MYZAP: variants seen among roughly 807,000 people sequenced by gnomAD.
The protein encoded by MYZAP is GRINL1A complex locus upstream.
MYZAP carries 66 observed loss-of-function variants against 69.4 expected under a neutral mutation model. The ratio of observed to expected loss-of-function variants is 0.95; its 90% CI spans 0.78 to 1.17. MYZAP has a LOEUF of 1.17. Among genes scored for constraint, MYZAP ranks in the 50% most tolerant of loss-of-function variants. MYZAP has a pLI of 0.00. For synonymous variants in MYZAP, 256 were observed against 205.9 expected (o/e 1.24, Z -2.09); for missense variants, 611 against 556.2 (o/e 1.10, Z -0.99).
intron 4 of MYZAP, 146 bp from the exon 5 acceptor site, chr15:57,625,633 C>A (rs1040213517): frequency 4.2e-6 from 3 of 719,682 alleles, no homozygotes; most frequent in South Asian, 1.7e-5. Flanking sequence ...CTGGATCATG[C>A]AGATGTTGAC....
chr15:57,592,339 G>T (rs1369925968), intron 1 of MYZAP, among the ~76,000 whole-genome samples: 3 of 152,218 alleles, frequency 2.0e-5, no homozygotes, highest in Non-Finnish European at 2.9e-5. Context: ...GGAATTCCCA[G>T]AGATTTCCTC....
intron 3 of MYZAP, among the ~76,000 whole-genome samples, chr15:57,618,775 AT>A (rs543778939): frequency 3.4e-3 from 522 of 152,244 alleles, no homozygotes; most frequent in Non-Finnish European, 5.8e-3. Flanking sequence ...ATTTTGGAGT[AT>A]TTTCTTCTTC....
intron 10 of MYZAP, among the ~76,000 whole-genome samples, chr15:57,656,098 G>T (rs1393731034): frequency 6.6e-6 from 1 of 152,196 alleles, no homozygotes; most frequent in Non-Finnish European, 1.5e-5. Flanking sequence ...GATCAAAGGT[G>T]CCTAATGGAT....
At chr15:57,661,398 C>A in intron 10 of MYZAP, 52 bp from the exon 11 acceptor site, 1 of 1,364,188 alleles carries the variant, frequency 7.3e-7, no homozygotes, top group Non-Finnish European at 1.0e-6. Context: ...TAAACCTGTA[C>A]TTACACAATT....
chr15:57,676,948 C>T (rs1274883944), intron 12 of MYZAP, among the ~76,000 whole-genome samples: 4 of 152,172 alleles, frequency 2.6e-5, no homozygotes, highest in African/African-American at 9.7e-5. Context: ...AGTTTAACTA[C>T]CTAGGTCAAT....
In MYZAP at chr15:57,614,127, C is replaced by T. The variant is rs916656420; in HGVS notation, c.163-3906C>T. Among the ~76,000 whole-genome samples, 12 of 152,210 alleles carry T rather than the reference C, an allele frequency of 7.9e-5. No homozygotes were observed. The East Asian group carries it at 9.6e-4, about 12-fold the overall frequency. On this transcript the variant is annotated intron_variant, in intron 2 of 12. Coordinates refer to ENST00000267853, the MANE Select transcript of MYZAP (RefSeq NM_001018100.5). ...CGGGGTAAACATTAACTGTCTGTTC[C>T]TCCATCTAAGAAGAATAACAGGTAT...
chr15:57,629,363 T>G (rs542143131), intron 5 of MYZAP, among the ~76,000 whole-genome samples: 144 of 152,092 alleles, frequency 9.5e-4, no homozygotes, highest in Non-Finnish European at 1.6e-3. Context: ...TCAAAAGCTG[T>G]TTTTTTTCCC....
chr15:57,618,125 A>C lies in MYZAP; in HGVS notation c.255A>C (p.Lys85Asn), dbSNP rs781138834. The change falls in exon 3 of 13, where the codon AAA (lysine) becomes AAC (asparagine). Residue 85 changes from lysine to asparagine, a missense_variant. By Grantham distance (94) the Lys-to-Asn change is moderately conservative. Coordinates refer to ENST00000267853, the MANE Select transcript of MYZAP (RefSeq NM_001018100.5). Reference sequence around the variant, plus strand: ...GAAGATCAGATCAAAATCAGCAGAAAGAAATGGTGGTGTATGGGTGGTCCA... The same window carrying C: ...GAAGATCAGATCAAAATCAGCAGAACGAAATGGTGGTGTATGGGTGGTCCA... The part of the protein sequence containing the change: ...VVRRSDQNQQ[K>N]EMVVYGWSTS... 2 of 1,614,242 alleles carry C rather than the reference A, an allele frequency of 1.2e-6. No homozygotes were observed. The highest frequency in any genetic ancestry group is 2.2e-5 in the East Asian group (1 of 44,888).
intron 2 of MYZAP, among the ~76,000 whole-genome samples, chr15:57,606,209 T>C (rs896056941): frequency 1.3e-5 from 2 of 152,192 alleles, no homozygotes; most frequent in Non-Finnish European, 2.9e-5. Flanking sequence ...AGCCAGCATT[T>C]CAACCAAGTG....
chr15:57,646,599 G>C (rs1251256482), intron 10 of MYZAP: 2 of 998,418 alleles, frequency 2.0e-6, no homozygotes, highest in African/African-American at 3.5e-5. Flanking sequence ...AAGAGAGCTT[G>C]AAGAATGTTA....
At chr15:57,674,590 T>C (rs1171269566) in intron 11 of MYZAP, among the ~76,000 whole-genome samples, 1 of 152,208 alleles carries the variant, frequency 6.6e-6, no homozygotes, top group Non-Finnish European at 1.5e-5. Flanking sequence ...ACTAGTTAAA[T>C]AAATAATGTA....
chr15:57,630,603 C>T (rs1477592090), intron 6 of MYZAP, among the ~76,000 whole-genome samples: 1 of 152,112 alleles, frequency 6.6e-6, no homozygotes, highest in African/African-American at 2.4e-5. Flanking sequence ...CATTTGGCCC[C>T]CTAGGCTGGG....
At chr15:57,609,447 C>T (rs183883948) in intron 2 of MYZAP, among the ~76,000 whole-genome samples, 6 of 152,270 alleles carry the variant, frequency 3.9e-5, no homozygotes, top group South Asian at 2.1e-4. Flanking sequence ...GTGGCAGCAT[C>T]GCTCTGATTT....
At chr15:57,631,816 T>C (rs1032436243) in intron 6 of MYZAP, among the ~76,000 whole-genome samples, 9 of 152,182 alleles carry the variant, frequency 5.9e-5, no homozygotes, top group African/African-American at 1.4e-4. Context: ...GGCGATAACC[T>C]GGAAGGAGGG....
chr15:57,610,980 G>C (rs1339846696), intron 2 of MYZAP, among the ~76,000 whole-genome samples: 1 of 151,514 alleles, frequency 6.6e-6, no homozygotes. Flanking sequence ...AAAAGACCAA[G>C]AAGAAGGTGG....
At chr15:57,647,072 G>T in intron 10 of MYZAP, 2 of 985,356 alleles carry the variant, frequency 2.0e-6, no homozygotes, top group Non-Finnish European at 2.4e-6. Flanking sequence ...CAGAGGCCCA[G>T]TGTCCCTCAG....
chr15:57,610,392 G>A (rs914589486), intron 2 of MYZAP, among the ~76,000 whole-genome samples: 1 of 152,166 alleles, frequency 6.6e-6, no homozygotes, highest in Non-Finnish European at 1.5e-5. Context: ...ACAACCTCGC[G>A]GGCTGTTGCC....
chr15:57,671,908 A>G (rs764633759), intron 11 of MYZAP, among the ~76,000 whole-genome samples: 4 of 151,980 alleles, frequency 2.6e-5, no homozygotes, highest in Non-Finnish European at 4.4e-5. Context: ...AGTGGGTACT[A>G]TTTTCCCGAC....
In MYZAP at chr15:57,669,512, CTCTCTT is replaced by C. The variant is rs540229963; in HGVS notation, c.1204-5443_1204-5438del. Reference sequence around the variant, plus strand: ...TATCTTATCCACTCTGTGTCTCTGTCTCTCTTTCTCTTTCTCTTCTTTAACCAGATA... The same window carrying C: ...TATCTTATCCACTCTGTGTCTCTGTCTCTCTTTCTCTTCTTTAACCAGATA... On this transcript the variant is annotated intron_variant, in intron 11 of 12. Coordinates refer to ENST00000267853, the MANE Select transcript of MYZAP (RefSeq NM_001018100.5). Among the ~76,000 whole-genome samples, 436 of 152,174 alleles carry C rather than the reference CTCTCTT, an allele frequency of 2.9e-3. 1 individual carries two copies. Among genetic ancestry groups the C allele is most frequent in the African/African-American group, 9.5e-3 (395 of 41,526 alleles).
Sources: allele counts gnomAD v4.1 joint callset (sites outside exome capture counted in the v4.1 genomes callset), GRCh38; gene constraint gnomAD v4.1.1; transcripts MANE v1.5; gene names NCBI Gene and HGNC (gene_info 2026-07-23, HGNC 2026-07-21).